Variants in CACNB4 observed in about 807,000 individuals in gnomAD.
The protein encoded by CACNB4 is voltage-dependent L-type calcium channel subunit beta-4.
A neutral mutation model predicts 71.2 loss-of-function variants in CACNB4; 32 were observed. The ratio of observed to expected loss-of-function variants is 0.45; its 90% CI spans 0.34 to 0.60. The LOEUF (loss-of-function observed/expected upper bound fraction) is 0.60. Ranked by LOEUF, CACNB4 falls within the 20% of genes least tolerant of loss-of-function variation. The probability of loss-of-function intolerance (pLI) is 0.01; values close to 1 mark genes in which losing one functional copy is unlikely to be tolerated. For missense variants in CACNB4, 464 were observed against 647.9 expected (o/e 0.72, Z 3.08); for synonymous variants, 231 against 236.9 (o/e 0.97, Z 0.23).
intron 2 of CACNB4, among the ~76,000 whole-genome samples, chr2:151,996,005 T>G (rs1283806627): frequency 2.0e-5 from 3 of 152,222 alleles, no homozygotes; most frequent in African/African-American, 7.2e-5. Flanking sequence ...TCGGAGCAAG[T>G]CCTTATGAAG....
chr2:151,931,880 G>A (rs1035059465), intron 2 of CACNB4, among the ~76,000 whole-genome samples: 1 of 152,122 alleles, frequency 6.6e-6, no homozygotes, highest in East Asian at 1.9e-4. Flanking sequence ...TAGTATACCA[G>A]TATATTATGC....
intron 2 of CACNB4, among the ~76,000 whole-genome samples, chr2:151,928,697 G>A (rs1560012988): frequency 1.3e-5 from 2 of 152,088 alleles, no homozygotes; most frequent in Admixed American, 6.6e-5. Flanking sequence ...GCCAAGGTAG[G>A]CACATCACTT....
rs372743707 is a variant in CACNB4 at position 151,837,207 on chromosome 2, CAT to C, written c.*1910_*1911del. 36 of 152,046 alleles carry C rather than the reference CAT, an allele frequency of 2.4e-4. No individual in the cohort carries two copies. In the East Asian group the frequency reaches 4.4e-3, roughly 19 times the overall value. 9.4% of individuals were successfully genotyped at this position (152,046 alleles called of 1,614,324 possible). A position where few individuals can be genotyped will look rare whatever the true frequency, so the allele number is the denominator to read the frequency against. On this transcript the variant is annotated 3_prime_UTR_variant, in exon 14 of 14. Transcript: ENST00000539935. ...AGAAGAATCTCACAAGCCAGTATCA[CAT>C]GTTAACTTTTAAAATTTACTAAGCC...
At chr2:152,010,882 G>C (rs1311002990) in intron 2 of CACNB4, among the ~76,000 whole-genome samples, 2 of 152,196 alleles carry the variant, frequency 1.3e-5, no homozygotes, top group African/African-American at 2.4e-5. Context: ...AACCAGCAGG[G>C]AGGCAAAACT....
At chr2:151,967,101 G>A (rs1054407603) in intron 2 of CACNB4, 12 of 137,696 alleles carry the variant, frequency 8.7e-5, no homozygotes, top group Admixed American at 5.7e-4. Context: ...AGCCTGAAGT[G>A]CAGTGGCATG....
chr2:152,092,458 C>A (rs1267114236), intron 2 of CACNB4, among the ~76,000 whole-genome samples: 1 of 152,166 alleles, frequency 6.6e-6, no homozygotes, highest in Non-Finnish European at 1.5e-5. Context: ...CAGTGTGGTT[C>A]ATTGAATTAT....
chr2:152,006,416 T>TC (rs1682729995), intron 2 of CACNB4, among the ~76,000 whole-genome samples: 2 of 151,254 alleles, frequency 1.3e-5, no homozygotes, highest in Non-Finnish European at 3.0e-5. Context: ...TTTTTTTTTT[T>TC]CTTTGAGATG....
rs1320351816 is a variant in CACNB4, at chr2:152,059,054, AC to A, written c.147+39275del. 5.9e-5 allele frequency among the ~76,000 whole-genome samples: 9 copies of A among 152,302 alleles called. No homozygotes were observed. In the East Asian group the frequency reaches 1.7e-3, roughly 29 times the overall value. On this transcript the variant is annotated intron_variant, in intron 2 of 13. Transcript: ENST00000539935. ...AGAAGACAGGAACTGAGGTTTGGAA[AC>A]TTCTGCCTGGATTTCAGAGGATGTG...
intron 2 of CACNB4, among the ~76,000 whole-genome samples, chr2:152,006,724 C>A (rs1211722864): frequency 2.0e-5 from 3 of 152,148 alleles, no homozygotes; most frequent in Non-Finnish European, 2.9e-5. Context: ...GATTGAAAGC[C>A]TTTCATTATC....
chr2:151,894,133 C>T (rs1258574392), intron 2 of CACNB4, among the ~76,000 whole-genome samples: 1 of 152,146 alleles, frequency 6.6e-6, no homozygotes, highest in African/African-American at 2.4e-5. Context: ...TGCACTCCAG[C>T]TTGGGCAACA....
At chr2:151,899,414 A>T (rs988827003) in intron 2 of CACNB4, among the ~76,000 whole-genome samples, 6 of 152,224 alleles carry the variant, frequency 3.9e-5, no homozygotes, top group African/African-American at 1.4e-4. Flanking sequence ...TACTTCCCTT[A>T]TATAACTTCC....
intron 2 of CACNB4, among the ~76,000 whole-genome samples, chr2:151,954,747 T>C (rs2151674775): frequency 6.6e-6 from 1 of 152,220 alleles, no homozygotes; most frequent in South Asian, 2.1e-4. Context: ...TATCTGAATA[T>C]GTCCTTGCAA....
intron 2 of CACNB4, among the ~76,000 whole-genome samples, chr2:152,076,331 T>C (rs1373174491): frequency 1.1e-4 from 16 of 149,168 alleles, no homozygotes; most frequent in Non-Finnish European, 4.5e-5. Flanking sequence ...TTTTTTTTTT[T>C]TTTGTATTTT....
intron 2 of CACNB4, among the ~76,000 whole-genome samples, chr2:152,085,564 C>G (rs974576393): frequency 6.6e-6 from 1 of 152,096 alleles, no homozygotes; most frequent in Non-Finnish European, 1.5e-5. Context: ...CTTCCCATAC[C>G]CACCATGAGG....
At position 152,098,983 on chromosome 2, in the gene CACNB4, C is replaced by G; in HGVS notation, c.29G>C (p.Gly10Ala). The change falls in exon 1 of 14, where the codon GGG becomes GCG. Residue 10 changes from glycine to alanine, a missense_variant. Around this residue, in one of 3 missense-constraint regions of CACNB4, gnomAD observed 50 missense variants for 47.5 expected, o/e 1.05. Transcript: ENST00000539935. This position sits in a 1 kb window ranked among gnomAD's most constrained non-coding sequence, Gnocchi z 5.3. MSSSSYAKN[G>A]TADGPHSPTS... ...GGGGGAGTGCGGCCCGTCCGCGGTC[C>G]CGTTCTTGGCGTAGGAGGAGGAGGA... 3.9e-6 allele frequency: 6 copies of G among 1,533,986 alleles called. No homozygotes were observed. Among genetic ancestry groups the G allele is most frequent in the Non-Finnish European group, 4.4e-6 (5 of 1,142,892 alleles).
intron 12 of CACNB4, among the ~76,000 whole-genome samples, chr2:151,849,004 T>C (rs536043190): frequency 6.6e-6 from 1 of 152,222 alleles, no homozygotes; most frequent in African/African-American, 2.4e-5. Context: ...GCTGGTCATA[T>C]TAAAAAAAAA....
chr2:152,013,197 CA>C (rs1257172086), intron 2 of CACNB4, among the ~76,000 whole-genome samples: 19 of 152,124 alleles, frequency 1.2e-4, no homozygotes, highest in African/African-American at 4.6e-4. Flanking sequence ...ACACAATGAC[CA>C]AATCACCTAT....
At chr2:152,045,227 T>C (rs908039938) in intron 2 of CACNB4, among the ~76,000 whole-genome samples, 2 of 152,176 alleles carry the variant, frequency 1.3e-5, no homozygotes, top group Non-Finnish European at 2.9e-5. Flanking sequence ...TATACCAGTG[T>C]TTACAGCAGC....
chr2:151,945,804 G>A (rs1382011053), intron 2 of CACNB4, among the ~76,000 whole-genome samples: 1 of 151,634 alleles, frequency 6.6e-6, no homozygotes, highest in African/African-American at 2.4e-5. Flanking sequence ...CTGAGCCCAG[G>A]AGTTCAAGGC....
Sources: gnomAD v4.1 joint callset for allele counts (sites outside exome capture counted in the v4.1 genomes callset) on GRCh38, gnomAD v4.1.1 for gene constraint, gnomAD v4.1.1 regional missense constraint, Gnocchi (gnomAD v3.1) non-coding constraint, MANE v1.5 for transcripts, NCBI Gene and HGNC (gene_info 2026-07-23, HGNC 2026-07-21) for gene names.